Variants in RUBCNL observed in about 807,000 individuals in gnomAD.
RUBCNL encodes the protein rubicon like autophagy enhancer.
RUBCNL carries 62 observed loss-of-function variants against 69.5 expected under a neutral mutation model. That is an observed-to-expected ratio of 0.89 (90% CI 0.73 to 1.10). The LOEUF (loss-of-function observed/expected upper bound fraction) is 1.10. Among genes scored for constraint, RUBCNL ranks in the 50% least tolerant of loss-of-function variants. The pLI is 0.00. For synonymous variants in RUBCNL, 291 were observed against 303.6 expected (o/e 0.96, Z 0.43); for missense variants, 768 against 798.1 (o/e 0.96, Z 0.45).
upstream of RUBCNL, among the ~76,000 whole-genome samples, chr13:46,388,199 C>CA (rs71074779): frequency 0.59 from 40,459 of 68,100 alleles, 13,631 homozygotes; most frequent in East Asian, 0.68. Context: ...GCAAGACTGT[C>CA]AAAAAAAAAA....
intron 13 of RUBCNL, 92 bp from the exon 14 acceptor site, chr13:46,344,923 A>G: frequency 2.5e-6 from 2 of 794,852 alleles, no homozygotes; most frequent in Non-Finnish European, 4.2e-6. Context: ...TCAGTGTTTC[A>G]GTGTCTATGA....
At chr13:46,382,093 G>A (rs1159429748) in intron 1 of RUBCNL, among the ~76,000 whole-genome samples, 1 of 152,172 alleles carries the variant, frequency 6.6e-6, no homozygotes, top group East Asian at 1.9e-4. Context: ...GAGCCACCAT[G>A]CCTGGCTAGA....
At chr13:46,366,191 G>T (rs2048751100) in intron 5 of RUBCNL, among the ~76,000 whole-genome samples, 1 of 152,204 alleles carries the variant, frequency 6.6e-6, no homozygotes. Context: ...GTCCATATCA[G>T]ATTTCCCCGC....
intron 3 of RUBCNL, among the ~76,000 whole-genome samples, chr13:46,370,297 T>C (rs770045431): frequency 1.3e-5 from 2 of 152,234 alleles, no homozygotes; most frequent in Non-Finnish European, 1.5e-5. Context: ...CAAAATAAAC[T>C]GTGGAATCCC....
At chr13:46,387,362 G>C (rs1057203510), upstream of RUBCNL, 1 of 985,490 alleles carries the variant, frequency 1.0e-6, no homozygotes, top group South Asian at 4.7e-5. Flanking sequence ...GGGAAGCAAA[G>C]CGCCGTTCCC....
intron 2 of RUBCNL, chr13:46,374,673 A>C (rs1488165917): frequency 6.6e-6 from 1 of 152,182 alleles, no homozygotes; most frequent in Non-Finnish European, 1.5e-5. Flanking sequence ...CCTAATCGAA[A>C]TCCCCCAAAG....
chr13:46,356,114 G>T (rs532849490), intron 10 of RUBCNL, among the ~76,000 whole-genome samples: 4 of 152,252 alleles, frequency 2.6e-5, no homozygotes, highest in Admixed American at 1.3e-4. Context: ...GAGAGCATTT[G>T]GGGGAGAGAA....
chr13:46,386,453 T>C (rs1289379047), intron 1 of RUBCNL, among the ~76,000 whole-genome samples: 1 of 152,068 alleles, frequency 6.6e-6, no homozygotes, highest in African/African-American at 2.4e-5. Context: ...CAAGGCGAAA[T>C]AACCCCTCCT....
chr13:46,387,012 C>G, intron 1 of RUBCNL, 122 bp downstream of exon 1: 1 of 865,752 alleles, frequency 1.2e-6, no homozygotes, highest in Non-Finnish European at 1.4e-6. Context: ...CTCTGCTGGG[C>G]ACAAACCTCT....
At chr13:46,380,113 T>C (rs149911189) in intron 1 of RUBCNL, among the ~76,000 whole-genome samples, 61 of 152,330 alleles carry the variant, frequency 4.0e-4, no homozygotes, top group Middle Eastern at 3.4e-3. Flanking sequence ...CCAGCTGATT[T>C]AGCCTTTGGT....
chr13:46,376,773 T>G lies in RUBCNL; in HGVS notation c.-123+1117A>C, dbSNP rs536851292. Among the ~76,000 whole-genome samples, 14 of 152,354 alleles carry G rather than the reference T, an allele frequency of 9.2e-5. No homozygotes were observed. The East Asian group carries it at 2.3e-3, about 25-fold the overall frequency. On this transcript the variant is annotated intron_variant, in intron 2 of 14. Coordinates refer to ENST00000429979, the MANE Select transcript of RUBCNL (RefSeq NM_025113.5). ...TTATCTATGAATTAACGTACATATT[T>G]CAGACCAGAAGATATGTTTTCTTTT...
chr13:46,347,261 G>A lies in RUBCNL; in HGVS notation c.1632-1661C>T, dbSNP rs545057184. ...TCTCTACTAAAAATAACAAAAATTA[G>A]CCAGGTGTGATGGCACATGTCTGTA... On this transcript the variant is annotated intron_variant, in intron 12 of 14. Transcript: ENST00000429979. Among the ~76,000 whole-genome samples, 4 of 152,164 alleles carry A rather than the reference G, an allele frequency of 2.6e-5. No individual in the cohort carries two copies. In the East Asian group the frequency reaches 7.7e-4, roughly 29 times the overall value.
chr13:46,367,910 G>T, intron 5 of RUBCNL, 132 bp downstream of exon 5: 1 of 836,398 alleles, frequency 1.2e-6, no homozygotes. Flanking sequence ...TGTATATAGA[G>T]TTTGGTACTA....
intron 13 of RUBCNL, 38 bp from the exon 14 acceptor site, chr13:46,344,869 T>G (rs1040712355): frequency 7.3e-7 from 1 of 1,366,348 alleles, no homozygotes; most frequent in African/African-American, 1.4e-5. Context: ...AACCTTCTCT[T>G]GATGGATAAG....
intron 10 of RUBCNL, among the ~76,000 whole-genome samples, chr13:46,352,740 G>A (rs1178452355): frequency 1.3e-5 from 2 of 152,016 alleles, no homozygotes; most frequent in Non-Finnish European, 2.9e-5. Context: ...GGAGGCAGAG[G>A]TTGCAGTGAG....
rs1234953836 is a variant in RUBCNL at position 46,336,432 on chromosome 13, AATG to A, written c.*6950_*6952del. 2.0e-5 allele frequency among the ~76,000 whole-genome samples: 3 copies of A among 152,194 alleles called. No individual in the cohort carries two copies. The highest frequency in any genetic ancestry group is 4.8e-5 in the African/African-American group (2 of 41,446). On this transcript the variant is annotated 3_prime_UTR_variant, in exon 15 of 15. Coordinates refer to ENST00000429979, the MANE Select transcript of RUBCNL (RefSeq NM_025113.5). ...TTTAAATGATCTATCATTTATTTAA[AATG>A]ATATCTAGTCTATATGGTAAAATTT...
chr13:46,352,502 C>CTT lies in RUBCNL; in HGVS notation c.1331-2153_1331-2152dup, dbSNP rs933501392. Among the ~76,000 whole-genome samples the CTT allele has an allele frequency of 2.0e-5, 3 of 152,164 alleles. No homozygotes were observed. The East Asian group carries it at 5.8e-4, about 29-fold the overall frequency. ...TCTGAAGATCATTTCCAAATAATGG[C>CTT]TTTAAAAATAAACAAGGCCTGGCCG... On this transcript the variant is annotated intron_variant, in intron 10 of 14. Coordinates refer to ENST00000429979, the MANE Select transcript of RUBCNL (RefSeq NM_025113.5).
At chr13:46,377,083 G>A (rs1419337667) in intron 2 of RUBCNL, among the ~76,000 whole-genome samples, 1 of 152,048 alleles carries the variant, frequency 6.6e-6, no homozygotes, top group Non-Finnish European at 1.5e-5. Flanking sequence ...TGAGTCCATA[G>A]TTCATGATAG....
chr13:46,353,972 CTAAAGAGAATCAAT>C (rs2048427804), intron 10 of RUBCNL, among the ~76,000 whole-genome samples: 1 of 152,048 alleles, frequency 6.6e-6, no homozygotes, highest in African/African-American at 2.4e-5. Flanking sequence ...ATAAAGCTAA[CTAAAGAGAATCAAT>C]AACTAAATGC....
Sources: allele counts gnomAD v4.1 joint callset (sites outside exome capture counted in the v4.1 genomes callset), GRCh38; gene constraint gnomAD v4.1.1; transcripts MANE v1.5; gene names NCBI Gene and HGNC (gene_info 2026-07-23, HGNC 2026-07-21).